Variants in SNPH observed in about 807,000 individuals in gnomAD.
SNPH encodes the protein syntaphilin.
SNPH carries 10 observed loss-of-function variants against 36.8 expected under a neutral mutation model. That is an observed-to-expected ratio of 0.27 (90% CI 0.17 to 0.46). The LOEUF is 0.46. SNPH is among the 20% of genes least tolerant of loss of function. SNPH has a pLI of 1.00. For synonymous variants in SNPH, 281 were observed against 312.2 expected, an observed-to-expected ratio of 0.90 and a Z score of 1.05; for missense variants, 622 against 744.0, an observed-to-expected ratio of 0.84 and a Z score of 1.91.
intron 2 of SNPH, among the ~76,000 whole-genome samples, chr20:1,282,148 T>C (rs2088232745): frequency 6.6e-6 from 1 of 152,222 alleles, no homozygotes; most frequent in African/African-American, 2.4e-5. Context: ...GGAGAAACAA[T>C]AGGCAACCTA....
intron 4 of SNPH, 129 bp downstream of exon 4, chr20:1,296,550 G>A: frequency 1.3e-6 from 1 of 793,244 alleles, no homozygotes; most frequent in Non-Finnish European, 2.0e-6. Flanking sequence ...TCTTTAAAAT[G>A]AGCTTGCTAA....
At position 1,266,839 on chromosome 20, in the gene SNPH, G is replaced by T; in HGVS notation, c.-493+79G>T. 1 of 1,305,342 alleles carries T rather than the reference G, an allele frequency of 7.7e-7. No homozygotes were observed. Among genetic ancestry groups the T allele is most frequent in the African/African-American group, 1.5e-5 (1 of 64,722 alleles). The allele number at this position is 1,305,342 out of a possible 1,614,324, so 80.9% of individuals were successfully genotyped here. The stretch of plus-strand genomic sequence containing the variant: ...TGGGGGCCGCTTGCAACCGCTCGCT[G>T]CGGTAGAATCCCTTGGAGGGCACCA... On this transcript the variant is annotated intron_variant, in intron 2 of 6. Coordinates refer to ENST00000381867, the MANE Select transcript of SNPH (RefSeq NM_001318234.2). The surrounding 1 kb of genome is among the most constrained non-coding windows in gnomAD (Gnocchi z 6.0).
rs1021140399 is a variant in SNPH, at chr20:1,307,931, C to T, written c.*1877C>T. ...GGACAAAACCAATCCAAAGCCAAGC[C>T]GGGACTGGCTGCGGACCCAGCCTCC... On this transcript the variant is annotated 3_prime_UTR_variant, in exon 7 of 7. Coordinates refer to ENST00000381867, the MANE Select transcript of SNPH (RefSeq NM_001318234.2). 1.3e-5 allele frequency: 2 copies of T among 152,706 alleles called. No individual in the cohort carries two copies. The highest frequency in any genetic ancestry group is 4.8e-5 in the African/African-American group (2 of 41,486). The allele number at this position is 152,706 out of a possible 1,614,324, so 9.5% of individuals were successfully genotyped here.
Position 1,306,300 on chromosome 20 carries a change from A to T in SNPH, c.*246A>T. ...GAGGTACACCAGCTGGACAAATTGC[A>T]GGGAGGGGAGGGAGCGAGGGCCAAC... is the stretch of plus-strand genomic sequence containing the variant. On this transcript the variant is annotated 3_prime_UTR_variant, in exon 7 of 7. Coordinates refer to ENST00000381867, the MANE Select transcript of SNPH (RefSeq NM_001318234.2). The T allele has an allele frequency of 2.5e-6, 1 of 400,540 alleles. No homozygotes were observed. Among genetic ancestry groups the T allele is most frequent in the Non-Finnish European group, 4.4e-6 (1 of 229,364 alleles). The allele number at this position is 400,540 out of a possible 1,614,324, so 24.8% of individuals were successfully genotyped here.
chr20:1,278,023 T>A (rs566261203), intron 2 of SNPH, among the ~76,000 whole-genome samples: 2 of 146,714 alleles, frequency 1.4e-5, no homozygotes, highest in South Asian at 4.6e-4. Context: ...AGTGTCTATG[T>A]ATGTGTGTCT....
rs2088586276 is a variant in SNPH, at chr20:1,306,876, T to C, written c.*822T>C. 1 of 152,196 alleles carries C rather than the reference T, an allele frequency of 6.6e-6. No homozygotes were observed. The highest frequency in any genetic ancestry group is 1.9e-4 in the East Asian group (1 of 5,164). 9.4% of individuals were successfully genotyped at this position (152,196 alleles called of 1,614,324 possible). On this transcript the variant is annotated 3_prime_UTR_variant, in exon 7 of 7. Transcript: ENST00000381867. ...TGAGTCCCAGCTCCCAGCTGGAGAA[T>C]CCACCAGCACAAGAAGAGGAGGCAG...
rs142776744 is a variant in SNPH at position 1,305,494 on chromosome 20, A to T, written c.1057A>T (p.Met353Leu). Residue 353 changes from methionine (M) to leucine (L), a missense_variant, in exon 7 of 7, where the codon ATG becomes TTG. Physicochemically the swap from Met to Leu is conservative, Grantham distance 15. Coordinates refer to ENST00000381867, the MANE Select transcript of SNPH (RefSeq NM_001318234.2). ...GMEAGVQASC[M>L]QERAIQTDFV... Reference sequence around the variant, plus strand: ...GGAGGCTGGTGTGCAGGCCAGCTGCATGCAGGAGCGTGCCATCCAGACAGA... The same window carrying T: ...GGAGGCTGGTGTGCAGGCCAGCTGCTTGCAGGAGCGTGCCATCCAGACAGA... 11 of 1,613,240 alleles carry T rather than the reference A, an allele frequency of 6.8e-6. No homozygotes were observed. The highest frequency in any genetic ancestry group is 9.3e-6 in the Non-Finnish European group (11 of 1,180,020).
At chr20:1,278,329 GCTTT>G (rs981048918) in intron 2 of SNPH, among the ~76,000 whole-genome samples, 4 of 152,226 alleles carry the variant, frequency 2.6e-5, no homozygotes, top group Middle Eastern at 6.8e-3. Context: ...TGTTTGCTAT[GCTTT>G]CTGTTTTCTT....
intron 2 of SNPH, among the ~76,000 whole-genome samples, chr20:1,280,517 G>A (rs1306546896): frequency 6.6e-6 from 1 of 152,232 alleles, no homozygotes; most frequent in Non-Finnish European, 1.5e-5. Flanking sequence ...CAAGGCAGAG[G>A]TCGGGTTGTC....
At position 1,285,913 on chromosome 20, in the gene SNPH, G is replaced by A. The variant is rs2088279175; in HGVS notation, c.-492-9038G>A. Among the ~76,000 whole-genome samples the A allele has an allele frequency of 1.3e-5, 2 of 151,658 alleles. No individual in the cohort carries two copies. The highest frequency in any genetic ancestry group is 6.6e-5 in the Admixed American group (1 of 15,236). ...AGTTTGAGACCATCCTGGCCAATAT[G>A]GTGAAACCCCGTCTCTACTAAAAAT... On this transcript the variant is annotated intron_variant, in intron 2 of 6. Coordinates refer to ENST00000381867, the MANE Select transcript of SNPH (RefSeq NM_001318234.2). The surrounding 1 kb of genome is among the most constrained non-coding windows in gnomAD (Gnocchi z 4.9).
chr20:1,266,910 C>T lies in SNPH; in HGVS notation c.-493+150C>T, dbSNP rs185311666. The T allele has an allele frequency of 1.8e-6, 2 of 1,130,592 alleles. No homozygotes were observed. The highest frequency in any genetic ancestry group is 8.5e-5 in the Admixed American group (2 of 23,428). 70.0% of individuals were successfully genotyped at this position (1,130,592 alleles called of 1,614,324 possible). On this transcript the variant is annotated intron_variant, in intron 2 of 6. Coordinates refer to ENST00000381867, the MANE Select transcript of SNPH (RefSeq NM_001318234.2). This position sits in a 1 kb window ranked among gnomAD's most constrained non-coding sequence, Gnocchi z 6.0. ...GACTCATTCTTACCCTCCCTTCATT[C>T]CCCTACATCCCTTTAAGCGCTTCCC...
intron 2 of SNPH, among the ~76,000 whole-genome samples, chr20:1,286,861 TGTC>T (rs999355186): frequency 1.3e-5 from 2 of 152,180 alleles, no homozygotes; most frequent in Non-Finnish European, 2.9e-5. Flanking sequence ...GGAAAGGGGC[TGTC>T]GTCGCAGGCA....
In SNPH at chr20:1,279,593, C is replaced by T. The variant is rs117944140; in HGVS notation, c.-493+12833C>T. On this transcript the variant is annotated intron_variant, in intron 2 of 6. Coordinates refer to ENST00000381867, the MANE Select transcript of SNPH (RefSeq NM_001318234.2). Reference sequence around the variant, plus strand: ...AGTGAGAGAGACACTGATAGAAAGACTGGTTTCCTGAGAGACTCCGGCTTC... The same window carrying T: ...AGTGAGAGAGACACTGATAGAAAGATTGGTTTCCTGAGAGACTCCGGCTTC... Among the ~76,000 whole-genome samples the T allele has an allele frequency of 8.7e-4, 131 of 150,072 alleles. 3 individuals are homozygous for T. The East Asian group carries it at 0.023, about 27-fold the overall frequency.
At chr20:1,281,738 C>T (rs1346574972) in intron 2 of SNPH, among the ~76,000 whole-genome samples, 1 of 152,254 alleles carries the variant, frequency 6.6e-6, no homozygotes, top group Non-Finnish European at 1.5e-5. Context: ...CCCAACCCCT[C>T]AGTGACACGT....
In SNPH at chr20:1,306,112, T is replaced by TC; in HGVS notation, c.*64dup. 1 of 1,282,488 alleles carries TC rather than the reference T, an allele frequency of 7.8e-7. No homozygotes were observed. The highest frequency in any genetic ancestry group is 1.0e-6 in the Non-Finnish European group (1 of 977,720). 79.4% of individuals were successfully genotyped at this position (1,282,488 alleles called of 1,614,324 possible). On this transcript the variant is annotated 3_prime_UTR_variant, in exon 7 of 7. Coordinates refer to ENST00000381867, the MANE Select transcript of SNPH (RefSeq NM_001318234.2). Reference sequence around the variant, plus strand: ...TGACCACTGATTGTAGGGATGCCGTTCCCCCCTCCCTTCTCCCATGGGCAT... The same window carrying TC: ...TGACCACTGATTGTAGGGATGCCGTTCCCCCCCTCCCTTCTCCCATGGGCAT...
intron 2 of SNPH, among the ~76,000 whole-genome samples, chr20:1,272,276 A>C (rs1409716114): frequency 6.6e-6 from 1 of 152,124 alleles, no homozygotes; most frequent in African/African-American, 2.4e-5. Context: ...CACCTGTAAA[A>C]CTGGGAAATG....
At chr20:1,274,229 G>A (rs1361732137) in intron 2 of SNPH, among the ~76,000 whole-genome samples, 1 of 152,084 alleles carries the variant, frequency 6.6e-6, no homozygotes, top group Non-Finnish European at 1.5e-5. Context: ...CAGGGGTAAA[G>A]GTATTCAAAG....
At chr20:1,281,800 T>A (rs993575924) in intron 2 of SNPH, among the ~76,000 whole-genome samples, 1 of 152,170 alleles carries the variant, frequency 6.6e-6, no homozygotes, top group Non-Finnish European at 1.5e-5. Flanking sequence ...CAATAGACAC[T>A]TGGTAAATAT....
chr20:1,289,595 C>T (rs1434298782), intron 2 of SNPH, among the ~76,000 whole-genome samples: 2 of 151,390 alleles, frequency 1.3e-5, no homozygotes, highest in Admixed American at 6.6e-5. Flanking sequence ...CCTGTAATCC[C>T]AGCAACTCAG....
Sources: allele counts gnomAD v4.1 joint callset (sites outside exome capture counted in the v4.1 genomes callset), GRCh38; gene constraint gnomAD v4.1.1; non-coding constraint Gnocchi (gnomAD v3.1); transcripts MANE v1.5; gene names NCBI Gene and HGNC (gene_info 2026-07-23, HGNC 2026-07-21).